CCDC47: variants seen among roughly 807,000 people sequenced by gnomAD.
CCDC47 encodes coiled-coil domain containing 47.
CCDC47 carries 41 observed loss-of-function variants against 60.5 expected under a neutral mutation model. The observed-to-expected ratio is 0.68, with a 90% CI of 0.53 to 0.88. The LOEUF (loss-of-function observed/expected upper bound fraction) is 0.88, where lower values mean the gene tolerates loss of function less well. Among genes scored for constraint, CCDC47 ranks in the 40% least tolerant of loss-of-function variants. CCDC47 has a pLI of 0.00. For missense variants in CCDC47, 513 were observed against 580.9 expected (o/e 0.88, Z 1.20); for synonymous variants, 195 against 190.7 (o/e 1.02, Z -0.18).
At chr17:63,756,600 T>A (rs751688405) in intron 6 of CCDC47, 30 bp from the exon 7 acceptor site, 2 of 1,508,682 alleles carry the variant, frequency 1.3e-6, no homozygotes, top group Non-Finnish European at 1.8e-6. Context: ...AACAACAAAA[T>A]TCACCTGTTA....
At chr17:63,762,950 C>G (rs1221074008) in intron 4 of CCDC47, among the ~76,000 whole-genome samples, 1 of 152,148 alleles carries the variant, frequency 6.6e-6, no homozygotes, top group Non-Finnish European at 1.5e-5. Context: ...GAAACAGGGT[C>G]TCATTCTGTC....
At chr17:63,751,858 A>G (rs1289926335) in intron 12 of CCDC47, 82 bp downstream of exon 12, 10 of 1,493,120 alleles carry the variant, frequency 6.7e-6, no homozygotes, top group Non-Finnish European at 9.3e-6. Context: ...TTTAGCCTAC[A>G]AAGATTACCT....
rs561999214 is a variant in CCDC47 at position 63,766,197 on chromosome 17, T to C, written c.-19-3A>G. The C allele has an allele frequency of 9.5e-6, 15 of 1,573,362 alleles. No homozygotes were observed. In the East Asian group the frequency reaches 2.7e-4, roughly 28 times the overall value. On this transcript the variant is annotated splice_polypyrimidine_tract_variant and splice_region_variant and intron_variant, in intron 1 of 12. Transcript: ENST00000225726. ...TCATTGCACCTTGAGAAAAAAAGCT[T>C]AAAAAAAAAGAGAACCCCAAAATGG...
In CCDC47 at chr17:63,766,256, A is replaced by G. The variant is rs1403552272; in HGVS notation, c.-19-62T>C. Reference sequence around the variant, plus strand: ...TCTATACATACTGATCAGATTTTATAAACAGTAAAAATCTATAAACCTCTC... The same window carrying G: ...TCTATACATACTGATCAGATTTTATGAACAGTAAAAATCTATAAACCTCTC... On this transcript the variant is annotated intron_variant, in intron 1 of 12. Transcript: ENST00000225726. 8 of 1,439,178 alleles carry G rather than the reference A, an allele frequency of 5.6e-6. No homozygotes were observed. In the African/African-American group the frequency reaches 1.0e-4, roughly 18 times the overall value. The allele number at this position is 1,439,178 out of a possible 1,614,324, so 89.2% of individuals were successfully genotyped here.
chr17:63,758,238 CG>C (rs1270083869), intron 6 of CCDC47, among the ~76,000 whole-genome samples: 3 of 152,114 alleles, frequency 2.0e-5, no homozygotes, highest in African/African-American at 7.2e-5. Context: ...CATAGGAACC[CG>C]ATTAATAGTT....
At chr17:63,752,264 C>T (rs2039172447) in intron 11 of CCDC47, 56 bp downstream of exon 11, 1 of 1,460,802 alleles carries the variant, frequency 6.8e-7, no homozygotes, top group Admixed American at 1.8e-5. Flanking sequence ...TGCCCTCCCC[C>T]TTGAGAAGAA....
intron 6 of CCDC47, among the ~76,000 whole-genome samples, chr17:63,759,316 C>T (rs1270153498): frequency 3.4e-5 from 5 of 149,048 alleles, no homozygotes; most frequent in Non-Finnish European, 7.4e-5. Flanking sequence ...TGGTGAAACC[C>T]CGTCTCTACT....
chr17:63,759,504 AAAAAAT>A (rs2039233389), intron 6 of CCDC47, among the ~76,000 whole-genome samples: 1 of 25,824 alleles, frequency 3.9e-5, no homozygotes, highest in Non-Finnish European at 5.7e-5. Flanking sequence ...AAAAAAAAAA[AAAAAAT>A]ATATATATAT....
At chr17:63,773,077 CCT>C (rs1249884198) in intron 1 of CCDC47, among the ~76,000 whole-genome samples, 1 of 152,212 alleles carries the variant, frequency 6.6e-6, no homozygotes, top group Non-Finnish European at 1.5e-5. Flanking sequence ...TGCAGACTTT[CCT>C]CTGTCTCTTT....
intron 6 of CCDC47, among the ~76,000 whole-genome samples, chr17:63,759,725 A>G (rs2039241922): frequency 1.3e-5 from 2 of 150,918 alleles, no homozygotes; most frequent in South Asian, 4.2e-4. Flanking sequence ...ACTGTCTTCT[A>G]TATTTTTGTT....
chr17:63,759,208 G>A (rs1166694177), intron 6 of CCDC47, among the ~76,000 whole-genome samples: 1 of 151,832 alleles, frequency 6.6e-6, no homozygotes, highest in Non-Finnish European at 1.5e-5. Flanking sequence ...TAACAGTGGG[G>A]CTGGGTGCAG....
At position 63,756,354 on chromosome 17, in the gene CCDC47, G is replaced by T; in HGVS notation, c.838-4C>A. The T allele has an allele frequency of 6.2e-7, 1 of 1,611,002 alleles. No homozygotes were observed. The highest frequency in any genetic ancestry group is 8.5e-7 in the Non-Finnish European group (1 of 1,177,130). On this transcript the variant is annotated splice_polypyrimidine_tract_variant and splice_region_variant and intron_variant, in intron 7 of 12. Transcript: ENST00000225726. Reference sequence around the variant, plus strand: ...GTTTATCACTACAAAACTCACTCTAGAGGAAGAAGTAATTGAAAGTAAGAT... The same window carrying T: ...GTTTATCACTACAAAACTCACTCTATAGGAAGAAGTAATTGAAAGTAAGAT...
chr17:63,764,150 A>G lies in CCDC47; in HGVS notation c.413T>C (p.Leu138Pro). 6.2e-7 allele frequency: 1 copy of G among 1,611,854 alleles called. No homozygotes were observed. Among genetic ancestry groups the G allele is most frequent in the Non-Finnish European group, 8.5e-7 (1 of 1,179,432 alleles). Residue 138 changes from leucine to proline, a missense_variant, in exon 4 of 13, where the codon CTA becomes CCA. By Grantham distance (98) the Leu-to-Pro change is moderately conservative. Coordinates refer to ENST00000225726, the MANE Select transcript of CCDC47 (RefSeq NM_020198.3). ...HLQNSWESYYLEILMVTGLLA... is the reference protein window; with the variant it reads ...HLQNSWESYYPEILMVTGLLA... ...CAGACCAGTCACCATCAAAATTTCT[A>G]GATAATAACTCTCCCAGCTGTTCTG... is the stretch of plus-strand genomic sequence containing the variant.
chr17:63,759,509 ATATATATATATATATATTT>A lies in CCDC47; in HGVS notation c.735+1386_735+1404del, dbSNP rs2039235043. 7.3e-4 allele frequency among the ~76,000 whole-genome samples: 17 copies of A among 23,150 alleles called. 3 individuals carry two copies. Among genetic ancestry groups the A allele is most frequent in the Admixed American group, 3.1e-3 (5 of 1,620 alleles). 15.2% of individuals were successfully genotyped at this position (23,150 alleles called of 152,430 possible). ...GTCTCCCAAAAAAAAAAAAAAAAAA[ATATATATATATATATATTT>A]ATATATATATATATATATATATATA... is the stretch of plus-strand genomic sequence containing the variant. On this transcript the variant is annotated intron_variant, in intron 6 of 12. Coordinates refer to ENST00000225726, the MANE Select transcript of CCDC47 (RefSeq NM_020198.3).
At chr17:63,761,516 C>CAAAA in intron 4 of CCDC47, 165 bp from the exon 5 acceptor site, 2 of 163,662 alleles carry the variant, frequency 1.2e-5, no homozygotes, top group East Asian at 2.0e-4. Flanking sequence ...CCTGTCCCTA[C>CAAAA]TAAAAAAAAA....
chr17:63,767,550 C>T (rs984076837), intron 1 of CCDC47, among the ~76,000 whole-genome samples: 1 of 152,014 alleles, frequency 6.6e-6, no homozygotes, highest in Non-Finnish European at 1.5e-5. Context: ...GCTGTATTTC[C>T]AGTCCTGTCC....
intron 1 of CCDC47, among the ~76,000 whole-genome samples, chr17:63,770,985 CA>C (rs760648451): frequency 1.6e-3 from 78 of 49,156 alleles, no homozygotes; most frequent in Non-Finnish European, 1.8e-3. Context: ...GAGACTGTGT[CA>C]AAAAAAAAAA....
At chr17:63,757,621 T>C (rs7212196) in intron 6 of CCDC47, among the ~76,000 whole-genome samples, 106,728 of 152,018 alleles carry the variant, frequency 0.7, 38,912 homozygotes, top group African/African-American at 0.92. Context: ...TAATTTGCTA[T>C]GTAGTAATAG....
intron 7 of CCDC47, 49 bp downstream of exon 7, chr17:63,756,420 T>C: frequency 1.9e-6 from 3 of 1,575,252 alleles, no homozygotes; most frequent in African/African-American, 1.3e-5. Context: ...ATGTGTGTGC[T>C]AAGGAGACAC....
Sources: allele counts gnomAD v4.1 joint callset (sites outside exome capture counted in the v4.1 genomes callset), GRCh38; gene constraint gnomAD v4.1.1; transcripts MANE v1.5; gene names NCBI Gene and HGNC (gene_info 2026-07-23, HGNC 2026-07-21).